Variants in TERB1 observed in about 807,000 individuals in gnomAD.
TERB1 encodes telomere repeat binding bouquet formation protein 1.
TERB1 carries 63 observed loss-of-function variants against 92.3 expected under a neutral mutation model. That is an observed-to-expected ratio of 0.68 (90% CI 0.56 to 0.84). The LOEUF (loss-of-function observed/expected upper bound fraction) is 0.84. TERB1 is among the 40% of genes least tolerant of loss of function. TERB1 has a pLI of 0.00. For missense variants in TERB1, 709 were observed against 843.7 expected (o/e 0.84, Z 1.98); for synonymous variants, 252 against 283.9 (o/e 0.89, Z 1.13).
intron 3 of TERB1, among the ~76,000 whole-genome samples, chr16:66,794,932 C>CAA (rs2018904767): frequency 6.6e-6 from 1 of 151,460 alleles, no homozygotes. Flanking sequence ...AACACACACA[C>CAA]ACACACACAC....
chr16:66,767,959 C>T, intron 15 of TERB1, 145 bp downstream of exon 15: 1 of 647,644 alleles, frequency 1.5e-6, no homozygotes, highest in East Asian at 2.9e-5. Flanking sequence ...AACTCCTGAC[C>T]TCAGCTGATC....
intron 13 of TERB1, 114 bp downstream of exon 13, chr16:66,772,475 C>T: frequency 1.0e-6 from 1 of 984,092 alleles, no homozygotes; most frequent in South Asian, 1.6e-5. Context: ...GAGCAAGACT[C>T]TGTCTCAAAA....
At chr16:66,786,940 T>G (rs2018738656) in intron 6 of TERB1, among the ~76,000 whole-genome samples, 1 of 152,122 alleles carries the variant, frequency 6.6e-6, no homozygotes, top group South Asian at 2.1e-4. Flanking sequence ...CCCCCTCTAT[T>G]GATGCCCACA....
At chr16:66,776,617 G>C (rs975794689) in intron 11 of TERB1, among the ~76,000 whole-genome samples, 1 of 152,014 alleles carries the variant, frequency 6.6e-6, no homozygotes. Flanking sequence ...GGAAAGAGCA[G>C]AGAGAGATTA....
At chr16:66,764,490 G>C (rs1368939328) in intron 16 of TERB1, among the ~76,000 whole-genome samples, 1 of 152,208 alleles carries the variant, frequency 6.6e-6, no homozygotes, top group Admixed American at 6.5e-5. Flanking sequence ...GGTTGATTCA[G>C]TGGGTTACAG....
intron 16 of TERB1, among the ~76,000 whole-genome samples, chr16:66,765,896 G>A (rs1485357826): frequency 8.4e-5 from 9 of 106,802 alleles, no homozygotes; most frequent in Non-Finnish European, 1.5e-4. Context: ...ACGGAGTCTC[G>A]CTCTGTCGCC....
chr16:66,799,113 ATTG>A (rs1309623050), intron 2 of TERB1, among the ~76,000 whole-genome samples: 1 of 152,246 alleles, frequency 6.6e-6, no homozygotes, highest in East Asian at 1.9e-4. Flanking sequence ...AAAATGGAAA[ATTG>A]TTATCATATA....
In TERB1 at chr16:66,758,773, T is replaced by C. The variant is rs1232404836; in HGVS notation, c.1996A>G (p.Lys666Glu). 1 of 1,515,000 alleles carries C rather than the reference T, an allele frequency of 6.6e-7. No individual in the cohort carries two copies. The highest frequency in any genetic ancestry group is 9.0e-7 in the Non-Finnish European group (1 of 1,115,642). The allele number at this position is 1,515,000 out of a possible 1,614,324, so 93.8% of individuals were successfully genotyped here. ...AAAAAATTAAATTAAATATATTCAC[T>C]TATTCCTCCAGGGGTAGTAGATTCA... ...SNESTTPGGI[K>E]KRRIRKNFTE... Residue 666 changes from lysine to glutamate, a missense_variant and splice_region_variant, in exon 18 of 19, where the codon AAA becomes GAA. Physicochemically the swap from Lys to Glu is moderately conservative, Grantham distance 56. Coordinates refer to ENST00000433154, the MANE Select transcript of TERB1 (RefSeq NM_001136505.2).
At chr16:66,788,807 TATAGAC>T (rs1403399180) in intron 5 of TERB1, among the ~76,000 whole-genome samples, 4 of 151,924 alleles carry the variant, frequency 2.6e-5, no homozygotes, top group Non-Finnish European at 5.9e-5. Context: ...ACAAAAATAA[TATAGAC>T]ATAAAGATAC....
intron 16 of TERB1, among the ~76,000 whole-genome samples, chr16:66,759,866 T>C (rs2018203045): frequency 6.9e-6 from 1 of 144,334 alleles, no homozygotes; most frequent in South Asian, 2.4e-4. Flanking sequence ...GCGGGCGCAG[T>C]GGCTCACGCT....
chr16:66,800,825 C>T (rs945127943), intron 2 of TERB1, among the ~76,000 whole-genome samples, 152 bp downstream of exon 2: 1 of 152,172 alleles, frequency 6.6e-6, no homozygotes. Context: ...AGTCAGCTGG[C>T]TCTGCAATAT....
intron 18 of TERB1, among the ~76,000 whole-genome samples, chr16:66,756,027 C>G (rs1380544877): frequency 1.3e-5 from 2 of 152,158 alleles, no homozygotes; most frequent in Non-Finnish European, 2.9e-5. Context: ...TTAAGGGATA[C>G]TTTCTATAAA....
intron 10 of TERB1, among the ~76,000 whole-genome samples, chr16:66,777,875 C>G (rs1427285264): frequency 6.6e-6 from 1 of 152,178 alleles, no homozygotes; most frequent in Non-Finnish European, 1.5e-5. Context: ...CTATACTTCT[C>G]CAAATGTGGC....
At chr16:66,797,886 C>T (rs1959206360) in intron 2 of TERB1, among the ~76,000 whole-genome samples, 1 of 151,980 alleles carries the variant, frequency 6.6e-6, no homozygotes, top group Admixed American at 6.6e-5. Flanking sequence ...TCTGATATGG[C>T]CTCTCACATA....
Position 66,759,233 on chromosome 16 carries a change from G to A in TERB1, c.1838C>T (p.Ser613Phe), listed in dbSNP as rs370169195. 13 of 1,549,566 alleles carry A rather than the reference G, an allele frequency of 8.4e-6. No homozygotes were observed. The highest frequency in any genetic ancestry group is 1.1e-5 in the Non-Finnish European group (13 of 1,146,390). ...NSRNFSKLLHSCPYQCDRHKV... is the reference protein window; with the variant it reads ...NSRNFSKLLHFCPYQCDRHKV... The stretch of plus-strand genomic sequence containing the variant: ...GTGACGATCACATTGGTATGGGCAA[G>A]AGTGCAAGAGCTTGCTAAAGTTTCG... The change falls in exon 17 of 19, where the codon TCT becomes TTT. Residue 613 changes from serine to phenylalanine, a missense_variant. Transcript: ENST00000433154.
chr16:66,770,345 T>A (rs779972762), intron 13 of TERB1, 36 bp from the exon 14 acceptor site: 20 of 1,308,450 alleles, frequency 1.5e-5, no homozygotes, highest in Non-Finnish European at 2.1e-5. Flanking sequence ...TTCAATATAA[T>A]CCATTCCCTT....
intron 14 of TERB1, among the ~76,000 whole-genome samples, chr16:66,768,841 C>G (rs1030924372): frequency 6.6e-6 from 1 of 152,064 alleles, no homozygotes; most frequent in African/African-American, 2.4e-5. Flanking sequence ...CGGTGGTTCA[C>G]GCCTGTAATC....
At chr16:66,797,232 T>TC (rs1332969163) in intron 2 of TERB1, among the ~76,000 whole-genome samples, 1 of 150,630 alleles carries the variant, frequency 6.6e-6, no homozygotes, top group East Asian at 2.0e-4. Context: ...CCCATTTCCT[T>TC]CCTTTTTTTT....
At chr16:66,795,062 T>C (rs1470792363) in intron 3 of TERB1, among the ~76,000 whole-genome samples, 2 of 152,160 alleles carry the variant, frequency 1.3e-5, no homozygotes, top group African/African-American at 4.8e-5. Context: ...GCAAATCAGT[T>C]ATCCAAATAA....
Sources: gnomAD v4.1 joint callset for allele counts (sites outside exome capture counted in the v4.1 genomes callset) on GRCh38, gnomAD v4.1.1 for gene constraint, MANE v1.5 for transcripts, NCBI Gene and HGNC (gene_info 2026-07-23, HGNC 2026-07-21) for gene names.